The following CHST11 variants were observed in gnomAD, a reference collection of about 807,000 sequenced individuals.
CHST11 encodes carbohydrate sulfotransferase 11.
A neutral mutation model predicts 30.4 loss-of-function variants in CHST11; 9 were observed. The ratio of observed to expected loss-of-function variants is 0.30; its 90% confidence interval spans 0.18 to 0.52. The LOEUF (loss-of-function observed/expected upper bound fraction) is 0.52, where lower values mean the gene tolerates loss of function less well. CHST11 is among the 20% of genes least tolerant of loss of function. CHST11 has a pLI of 0.97. For synonymous variants in CHST11, 152 were observed against 187.8 expected, an observed-to-expected ratio of 0.81 and a Z score of 1.56; for missense variants, 348 against 460.6, an observed-to-expected ratio of 0.76 and a Z score of 2.24.
intron 2 of CHST11, among the ~76,000 whole-genome samples, chr12:104,726,446 T>C (rs548958872): frequency 2.7e-4 from 41 of 152,304 alleles, no homozygotes; most frequent in African/African-American, 8.7e-4. Flanking sequence ...TAAAAGGCTG[T>C]GGTGTAAACC....
At chr12:104,692,372 C>T (rs538438739) in intron 2 of CHST11, among the ~76,000 whole-genome samples, 37 of 152,258 alleles carry the variant, frequency 2.4e-4, no homozygotes, top group Non-Finnish European at 4.4e-4. Flanking sequence ...TTGGCGTGAC[C>T]GGCAAAAATA....
intron 2 of CHST11, among the ~76,000 whole-genome samples, chr12:104,605,718 A>T (rs2038998590): frequency 6.6e-6 from 1 of 152,254 alleles, no homozygotes; most frequent in South Asian, 2.1e-4. Context: ...ATCAGCTGGA[A>T]TCAAGTCACC....
intron 1 of CHST11, among the ~76,000 whole-genome samples, chr12:104,464,721 GA>G (rs1037589432): frequency 6.6e-6 from 1 of 152,168 alleles, no homozygotes; most frequent in Non-Finnish European, 1.5e-5. Flanking sequence ...AGAGATTTGA[GA>G]AAAATTTTGA....
At chr12:104,678,969 C>T (rs1362080747) in intron 2 of CHST11, among the ~76,000 whole-genome samples, 1 of 152,180 alleles carries the variant, frequency 6.6e-6, no homozygotes, top group Non-Finnish European at 1.5e-5. Context: ...CTAGCTCACA[C>T]AGTCTCGCCG....
chr12:104,514,415 CT>C, intron 1 of CHST11: 1 of 907,988 alleles, frequency 1.1e-6, no homozygotes. Context: ...TGATGGTTGC[CT>C]TCCTCATCCT....
chr12:104,489,619 C>T (rs1369699676), intron 1 of CHST11, among the ~76,000 whole-genome samples: 2 of 152,172 alleles, frequency 1.3e-5, no homozygotes, highest in Non-Finnish European at 1.5e-5. Context: ...GCTGGGACTA[C>T]AGGCATGCAC....
At chr12:104,469,526 T>G (rs931961437) in intron 1 of CHST11, among the ~76,000 whole-genome samples, 10 of 152,186 alleles carry the variant, frequency 6.6e-5, no homozygotes, top group Non-Finnish European at 1.3e-4. Context: ...AGCCTGTATG[T>G]GAGCAGTTGT....
At chr12:104,652,979 CT>C (rs912962497) in intron 2 of CHST11, among the ~76,000 whole-genome samples, 1 of 151,588 alleles carries the variant, frequency 6.6e-6, no homozygotes, top group Admixed American at 6.6e-5. Context: ...AGGCAGTGAG[CT>C]TTTTTTTTAA....
intron 2 of CHST11, among the ~76,000 whole-genome samples, chr12:104,626,593 A>C (rs1447284277): frequency 2.0e-5 from 3 of 152,010 alleles, no homozygotes; most frequent in Non-Finnish European, 4.4e-5. Flanking sequence ...AAAAAAAAAA[A>C]AAAACATGGT....
intron 2 of CHST11, among the ~76,000 whole-genome samples, chr12:104,665,916 T>C (rs1013642906): frequency 6.9e-6 from 1 of 144,604 alleles, no homozygotes; most frequent in African/African-American, 2.6e-5. Context: ...GCCTTCCAGG[T>C]TGAAGTGATT....
chr12:104,558,358 T>C (rs932251692), intron 1 of CHST11, among the ~76,000 whole-genome samples: 20 of 152,220 alleles, frequency 1.3e-4, no homozygotes, highest in Admixed American at 4.6e-4. Context: ...ATGATTTGTT[T>C]TAAGGAAAAG....
chr12:104,735,904 C>T (rs988676514), intron 2 of CHST11, among the ~76,000 whole-genome samples: 1 of 152,118 alleles, frequency 6.6e-6, no homozygotes, highest in East Asian at 1.9e-4. Context: ...AGGCTTGGAG[C>T]CCAGAAACTA....
intron 1 of CHST11, chr12:104,588,937 A>G (rs1650129): frequency 0.87 from 131,777 of 152,222 alleles, 57,273 homozygotes; most frequent in East Asian, 1. Context: ...TGGATGAATG[A>G]ATAGTGGTAT....
In CHST11 at chr12:104,457,378, C is replaced by T. The variant is rs771301260; in HGVS notation, c.-34C>T. On this transcript the variant is annotated 5_prime_UTR_variant, in exon 1 of 3. Transcript: ENST00000303694. ...GCTCCTGCGCCCCGGGCGCGCTTCCCGGACACCCCGGTCCCCGCAGCCAGG... is the reference window on the plus strand; with the variant it reads ...GCTCCTGCGCCCCGGGCGCGCTTCCTGGACACCCCGGTCCCCGCAGCCAGG... 5.1e-5 allele frequency: 79 copies of T among 1,550,758 alleles called. 3 individuals are homozygous for T. Among genetic ancestry groups the T allele is most frequent in the Admixed American group, 2.9e-4 (17 of 58,646 alleles).
chr12:104,559,208 A>G (rs1959432405), intron 1 of CHST11, among the ~76,000 whole-genome samples: 3 of 152,182 alleles, frequency 2.0e-5, no homozygotes, highest in South Asian at 4.1e-4. Flanking sequence ...TCTAAGCTGT[A>G]AACTCAAGGA....
chr12:104,474,900 A>AG (rs1263676991), intron 1 of CHST11, among the ~76,000 whole-genome samples: 3 of 152,178 alleles, frequency 2.0e-5, no homozygotes, highest in African/African-American at 2.4e-5. Flanking sequence ...GGACGGCGGT[A>AG]GGGGGTCCCA....
At chr12:104,646,463 G>C (rs1336015223) in intron 2 of CHST11, among the ~76,000 whole-genome samples, 1 of 152,190 alleles carries the variant, frequency 6.6e-6, no homozygotes, top group East Asian at 1.9e-4. Flanking sequence ...GCCGGGTGCA[G>C]TGGCTCACCC....
intron 1 of CHST11, among the ~76,000 whole-genome samples, chr12:104,474,900 AG>A (rs1263676991): frequency 6.6e-6 from 1 of 152,178 alleles, no homozygotes; most frequent in Non-Finnish European, 1.5e-5. Context: ...GGACGGCGGT[AG>A]GGGGTCCCAG....
chr12:104,639,724 G>A (rs1366321342), intron 2 of CHST11, among the ~76,000 whole-genome samples: 2 of 152,174 alleles, frequency 1.3e-5, no homozygotes, highest in Non-Finnish European at 2.9e-5. Flanking sequence ...CATGATCTGA[G>A]GGAGTAGTGT....
Sources: gnomAD v4.1 joint callset for allele counts (sites outside exome capture counted in the v4.1 genomes callset) on GRCh38, gnomAD v4.1.1 for gene constraint, MANE v1.5 for transcripts, NCBI Gene and HGNC (gene_info 2026-07-23, HGNC 2026-07-21) for gene names.